The following PPIL2 variants were observed in gnomAD, a reference collection of about 807,000 sequenced individuals.
PPIL2 encodes the protein RING-type E3 ubiquitin-protein ligase PPIL2.
A neutral mutation model predicts 75.2 loss-of-function variants in PPIL2; 50 were observed. That is an observed-to-expected ratio of 0.66 (90% CI 0.53 to 0.84). The LOEUF (loss-of-function observed/expected upper bound fraction) is 0.84, where lower values mean the gene tolerates loss of function less well. PPIL2 is among the 40% of genes least tolerant of loss of function. The pLI is 0.00. For missense variants in PPIL2, 590 were observed against 685.0 expected (o/e 0.86, Z 1.55); for synonymous variants, 245 against 258.8 (o/e 0.95, Z 0.51).
intron 12 of PPIL2, 45 bp from the exon 13 acceptor site, chr22:21,687,598 T>G: frequency 5.1e-5 from 40 of 791,792 alleles, no homozygotes; most frequent in Non-Finnish European, 7.3e-5. Context: ...GTGAGCTGCC[T>G]TTGGCAGCTC....
intron 12 of PPIL2, 144 bp downstream of exon 12, chr22:21,687,142 CCT>C (rs570617026): frequency 3.3e-4 from 257 of 779,456 alleles, no homozygotes; most frequent in African/African-American, 3.1e-3. Context: ...GCAGCAGTGC[CCT>C]GTGTCCTTCC....
At chr22:21,678,557 G>A (rs921339771) in intron 6 of PPIL2, among the ~76,000 whole-genome samples, 4 of 152,034 alleles carry the variant, frequency 2.6e-5, no homozygotes, top group Non-Finnish European at 5.9e-5. Context: ...GGAATTCCCC[G>A]TGCGTGAAAG....
intron 17 of PPIL2, 29 bp downstream of exon 17, chr22:21,694,694 G>A (rs375747260): frequency 1.9e-5 from 30 of 1,613,346 alleles, no homozygotes; most frequent in Middle Eastern, 1.6e-4. Context: ...GGGGCGTGGC[G>A]GCTGGGGGCC....
At position 21,696,195 on chromosome 22, in the gene PPIL2, A is replaced by G; in HGVS notation, c.*705A>G. On this transcript the variant is annotated 3_prime_UTR_variant, in exon 20 of 20. Coordinates refer to ENST00000398831, the MANE Select transcript of PPIL2 (RefSeq NM_014337.4). Reference sequence around the variant, plus strand: ...CTGAAGGCTGGTGTTGGACGGCAGCATTGAGTTTCCTGCCGTGCCCTGCCT... The same window carrying G: ...CTGAAGGCTGGTGTTGGACGGCAGCGTTGAGTTTCCTGCCGTGCCCTGCCT... The G allele has an allele frequency of 1.0e-6, 1 of 1,002,284 alleles. No homozygotes were observed. The highest frequency in any genetic ancestry group is 1.2e-6 in the Non-Finnish European group (1 of 839,278). 62.1% of individuals were successfully genotyped at this position (1,002,284 alleles called of 1,614,324 possible). A position where few individuals can be genotyped will look rare whatever the true frequency, so the allele number is the denominator to read the frequency against.
At chr22:21,667,447 C>T (rs1418621871) in intron 1 of PPIL2, among the ~76,000 whole-genome samples, 1 of 151,170 alleles carries the variant, frequency 6.6e-6, no homozygotes, top group African/African-American at 2.4e-5. Flanking sequence ...TGAGCCACCG[C>T]GTCTGGGCAG....
intron 15 of PPIL2, among the ~76,000 whole-genome samples, chr22:21,692,229 C>G (rs148168381): frequency 1.8e-3 from 272 of 151,916 alleles, no homozygotes; most frequent in African/African-American, 6.3e-3. Context: ...GATCTCGGCT[C>G]ACTGCAAGCT....
chr22:21,678,166 G>T (rs2066957602), intron 6 of PPIL2, among the ~76,000 whole-genome samples: 1 of 152,208 alleles, frequency 6.6e-6, no homozygotes, highest in South Asian at 2.1e-4. Context: ...GAGAGCCACT[G>T]AGGGAGGAAT....
intron 15 of PPIL2, among the ~76,000 whole-genome samples, chr22:21,692,077 C>T (rs1351059851): frequency 1.3e-5 from 2 of 152,166 alleles, no homozygotes; most frequent in Non-Finnish European, 2.9e-5. Flanking sequence ...TTCTTTTCAG[C>T]CTCTCTGGCT....
At chr22:21,669,752 G>T (rs148482488) in intron 1 of PPIL2, among the ~76,000 whole-genome samples, 161 bp from the exon 2 acceptor site, 1 of 152,260 alleles carries the variant, frequency 6.6e-6, no homozygotes, top group Non-Finnish European at 1.5e-5. Flanking sequence ...CGCCTGCCTC[G>T]GGCTCCCAAA....
intron 16 of PPIL2, 100 bp from the exon 17 acceptor site, chr22:21,694,493 C>A: frequency 7.4e-7 from 1 of 1,360,514 alleles, no homozygotes. Context: ...ACCAGGCCAG[C>A]CTCGGGGCTC....
chr22:21,669,780 G>A lies in PPIL2; in HGVS notation c.33-133G>A, dbSNP rs141614444. ...CTCCCAAAGTGTTGGGATTACAGGC[G>A]TTAGCCACCGTGCCCGCCCCATAGT... On this transcript the variant is annotated intron_variant, in intron 1 of 19. Coordinates refer to ENST00000398831, the MANE Select transcript of PPIL2 (RefSeq NM_014337.4). 1,071 of 914,490 alleles carry A rather than the reference G, an allele frequency of 1.2e-3. 10 individuals carry two copies. The African/African-American group carries it at 0.015, about 13-fold the overall frequency. 56.6% of individuals were successfully genotyped at this position (914,490 alleles called of 1,614,324 possible). A position where few individuals can be genotyped will look rare whatever the true frequency, so the allele number is the denominator to read the frequency against.
intron 10 of PPIL2, chr22:21,685,735 C>T (rs1601566130): frequency 4.6e-6 from 2 of 435,638 alleles, no homozygotes; most frequent in South Asian, 3.3e-5. Context: ...AGGTGTGAGC[C>T]ACTGTGCCTG....
intron 1 of PPIL2, among the ~76,000 whole-genome samples, chr22:21,668,190 CA>C (rs2066469268): frequency 6.6e-6 from 1 of 152,104 alleles, no homozygotes; most frequent in South Asian, 2.1e-4. Context: ...GCTAAGCAGA[CA>C]CCCTTGTGGC....
Position 21,688,770 on chromosome 22 carries a change from T to G in PPIL2, c.1060T>G (p.Phe354Val). 6.2e-7 allele frequency: 1 copy of G among 1,614,090 alleles called. No individual in the cohort carries two copies. Among genetic ancestry groups the G allele is most frequent in the Non-Finnish European group, 8.5e-7 (1 of 1,179,998 alleles). ...CTGGGGGAAGCCCTTCAAAGACGAG[T>G]TCCGGCCCAACCTCTCGCACACGGG... ...SYWGKPFKDE[F>V]RPNLSHTGRG... The change falls in exon 15 of 20, where the codon TTC becomes GTC. Residue 354 changes from phenylalanine (F) to valine (V), a missense_variant. Coordinates refer to ENST00000398831, the MANE Select transcript of PPIL2 (RefSeq NM_014337.4).
chr22:21,694,536 GC>G (rs1318698780), intron 16 of PPIL2, 56 bp from the exon 17 acceptor site: 1 of 1,593,586 alleles, frequency 6.3e-7, no homozygotes, highest in African/African-American at 1.3e-5. Context: ...TTGGGGCTCA[GC>G]CGTGGGGGTG....
intron 15 of PPIL2, among the ~76,000 whole-genome samples, chr22:21,692,374 TC>T (rs1243187752): frequency 1.3e-5 from 2 of 151,356 alleles, no homozygotes; most frequent in Non-Finnish European, 2.9e-5. Context: ...GAGGATGGTC[TC>T]GATCTCCTGA....
chr22:21,691,314 C>T (rs861826), intron 15 of PPIL2, among the ~76,000 whole-genome samples: 98,125 of 151,900 alleles, frequency 0.65, 32,351 homozygotes, highest in African/African-American at 0.77. Context: ...CCTATTTTAC[C>T]GTATTCAAAG....
At position 21,696,656 on chromosome 22, in the gene PPIL2, C is replaced by T. The variant is rs1323722349; in HGVS notation, c.*1166C>T. ...TGGGCTCCCTGTTGCCCTCAGGCCA[C>T]CCCCCACTTCTAGTTCTTCACACTA... On this transcript the variant is annotated 3_prime_UTR_variant, in exon 20 of 20. Transcript: ENST00000398831. The T allele has an allele frequency of 2.0e-6, 3 of 1,521,760 alleles. No individual in the cohort carries two copies. The highest frequency in any genetic ancestry group is 1.7e-4 in the Middle Eastern group (1 of 5,910). The allele number at this position is 1,521,760 out of a possible 1,614,324, so 94.3% of individuals were successfully genotyped here. A position where few individuals can be genotyped will look rare whatever the true frequency, so the allele number is the denominator to read the frequency against.
chr22:21,687,063 T>G, intron 12 of PPIL2, 65 bp downstream of exon 12: 1 of 1,440,294 alleles, frequency 6.9e-7, no homozygotes, highest in Non-Finnish European at 9.7e-7. Context: ...GACAGCCATG[T>G]CTTAAATATA....
Sources: gnomAD v4.1 joint callset for allele counts (sites outside exome capture counted in the v4.1 genomes callset) on GRCh38, gnomAD v4.1.1 for gene constraint, MANE v1.5 for transcripts, NCBI Gene and HGNC (gene_info 2026-07-23, HGNC 2026-07-21) for gene names.